DTNA: variants seen among roughly 807,000 people sequenced by gnomAD.
DTNA encodes dystrophin-related protein 3.
Under a neutral mutation model 100.7 loss-of-function variants are expected in DTNA, and 43 were observed. The observed-to-expected ratio is 0.43, with a 90% CI of 0.33 to 0.55. The LOEUF is 0.55. Ranked by LOEUF, DTNA falls within the 20% of genes least tolerant of loss-of-function variation. DTNA has a pLI of 0.04. For missense variants in DTNA, 798 were observed against 953.9 expected (o/e 0.84, Z 2.15); for synonymous variants, 349 against 347.9 (o/e 1.00, Z -0.04).
At chr18:34,622,096 G>C (rs1216841048) in intron 1 of DTNA, among the ~76,000 whole-genome samples, 1 of 152,114 alleles carries the variant, frequency 6.6e-6, no homozygotes, top group Non-Finnish European at 1.5e-5. Context: ...ACTATAGCTA[G>C]TAATAATGTA....
At chr18:34,663,371 C>A (rs1195268734) in intron 1 of DTNA, among the ~76,000 whole-genome samples, 4 of 152,014 alleles carry the variant, frequency 2.6e-5, no homozygotes, top group Non-Finnish European at 4.4e-5. Flanking sequence ...TCTTGCTATG[C>A]CCAGACTTGT....
intron 1 of DTNA, among the ~76,000 whole-genome samples, chr18:34,594,041 G>A (rs896988506): frequency 5.3e-5 from 8 of 151,650 alleles, no homozygotes; most frequent in Admixed American, 1.3e-4. Context: ...TTTTTAAAAA[G>A]CAACTGAGAA....
chr18:34,617,379 G>T (rs1192393693), intron 1 of DTNA, among the ~76,000 whole-genome samples: 2 of 152,112 alleles, frequency 1.3e-5, no homozygotes, highest in African/African-American at 2.4e-5. Context: ...CTATTGAGAT[G>T]ATCTTGTGGG....
At chr18:34,761,941 G>GA (rs1228458500) in intron 2 of DTNA, among the ~76,000 whole-genome samples, 1 of 151,370 alleles carries the variant, frequency 6.6e-6, no homozygotes, top group Non-Finnish European at 1.5e-5. Context: ...AGAGTACATT[G>GA]AAAAAAAATG....
In DTNA at chr18:34,612,751, A is replaced by G. The variant is rs186184490; in HGVS notation, c.-2+119237A>G. On this transcript the variant is annotated intron_variant, in intron 1 of 19. Coordinates refer to the DTNA transcript ENST00000283365. Reference sequence around the variant, plus strand: ...CATGGTGCTCAGCTTGCCTGTAAACATTTCCCCACCAATGTGCCTTGTTCT... The same window carrying G: ...CATGGTGCTCAGCTTGCCTGTAAACGTTTCCCCACCAATGTGCCTTGTTCT... 2.0e-3 allele frequency among the ~76,000 whole-genome samples: 301 copies of G among 152,294 alleles called. 1 individual carries two copies. The highest frequency in any genetic ancestry group is 7.0e-3 in the African/African-American group (289 of 41,570).
rs781500402 is a variant in DTNA at position 34,806,317 on chromosome 18, T to C, written c.448+13T>C. ...GACAAATTAAGATGTAAGTTATTAT[T>C]CCTTGTGTGTCTGTTTGCTTTTCCT... On this transcript the variant is annotated intron_variant, in intron 5 of 22. Coordinates refer to ENST00000444659, the MANE Select transcript of DTNA (RefSeq NM_001386795.1). The C allele has an allele frequency of 1.2e-6, 2 of 1,611,626 alleles. No homozygotes were observed. The highest frequency in any genetic ancestry group is 1.3e-5 in the African/African-American group (1 of 74,990).
At chr18:34,528,763 G>C (rs1187197777) in intron 1 of DTNA, among the ~76,000 whole-genome samples, 1 of 151,864 alleles carries the variant, frequency 6.6e-6, no homozygotes, top group South Asian at 2.1e-4. Flanking sequence ...TTTTAAACAT[G>C]AGCCTGCTTT....
intron 1 of DTNA, among the ~76,000 whole-genome samples, chr18:34,524,004 G>A (rs1205326702): frequency 6.6e-6 from 1 of 152,138 alleles, no homozygotes; most frequent in Non-Finnish European, 1.5e-5. Flanking sequence ...GTCCTCTAGG[G>A]ATTTGAGTAG....
At chr18:34,621,696 C>T (rs1335139780) in intron 1 of DTNA, among the ~76,000 whole-genome samples, 1 of 151,910 alleles carries the variant, frequency 6.6e-6, no homozygotes, top group African/African-American at 2.4e-5. Flanking sequence ...AGATGTTAGT[C>T]AAAGGATACA....
At chr18:34,662,450 A>C (rs2075332220) in intron 1 of DTNA, among the ~76,000 whole-genome samples, 1 of 152,168 alleles carries the variant, frequency 6.6e-6, no homozygotes, top group South Asian at 2.1e-4. Context: ...ACCTTCTCTC[A>C]GTTGTCCCCA....
At chr18:34,617,909 C>A (rs2055649889) in intron 1 of DTNA, among the ~76,000 whole-genome samples, 1 of 152,196 alleles carries the variant, frequency 6.6e-6, no homozygotes, top group South Asian at 2.1e-4. Flanking sequence ...TGGTCTGACA[C>A]TTAACCCATG....
At chr18:34,877,231 T>C (rs987598708) in intron 18 of DTNA, among the ~76,000 whole-genome samples, 1 of 152,148 alleles carries the variant, frequency 6.6e-6, no homozygotes, top group Non-Finnish European at 1.5e-5. Context: ...AGAGCCCTGA[T>C]AGGAGACAGC....
intron 1 of DTNA, among the ~76,000 whole-genome samples, chr18:34,728,802 T>C (rs2087363310): frequency 6.6e-6 from 1 of 152,204 alleles, no homozygotes; most frequent in African/African-American, 2.4e-5. Context: ...GCAGGTAAGA[T>C]GGCTGCCAGT....
At chr18:34,687,717 A>T (rs1169680300) in intron 1 of DTNA, among the ~76,000 whole-genome samples, 2 of 151,788 alleles carry the variant, frequency 1.3e-5, no homozygotes, top group Non-Finnish European at 2.9e-5. Flanking sequence ...TGTCTCATTG[A>T]TCTAATATTG....
At chr18:34,660,850 G>A (rs1272209783) in intron 1 of DTNA, among the ~76,000 whole-genome samples, 2 of 151,994 alleles carry the variant, frequency 1.3e-5, no homozygotes, top group Non-Finnish European at 2.9e-5. Context: ...CACCTTTCCT[G>A]ACCCAACCAG....
intron 1 of DTNA, among the ~76,000 whole-genome samples, chr18:34,510,589 C>T (rs1015098182): frequency 6.7e-6 from 1 of 149,738 alleles, no homozygotes; most frequent in African/African-American, 2.5e-5. Flanking sequence ...TTATGAGCCC[C>T]TGTGGCTCAA....
Position 34,890,005 on chromosome 18 carries a change from G to GTGTAGAT in DTNA, c.*2271_*2272insTGTAGAT. 1 of 1,220,120 alleles carries GTGTAGAT rather than the reference G, an allele frequency of 8.2e-7. No individual in the cohort carries two copies. The highest frequency in any genetic ancestry group is 4.0e-5 in the East Asian group (1 of 25,102). The allele number at this position is 1,220,120 out of a possible 1,614,324, so 75.6% of individuals were successfully genotyped here. On this transcript the variant is annotated 3_prime_UTR_variant, in exon 23 of 23. Coordinates refer to ENST00000444659, the MANE Select transcript of DTNA (RefSeq NM_001386795.1). ...ATCCCAGCTACCTATAATGCTGTCA[G>GTGTAGAT]CTCAAAATCATAGCCAGGTAGTTCT...
At chr18:34,714,244 A>G (rs2083471998) in intron 1 of DTNA, among the ~76,000 whole-genome samples, 1 of 150,438 alleles carries the variant, frequency 6.6e-6, no homozygotes, top group Admixed American at 6.6e-5. Context: ...GATCTAATTA[A>G]ACTAAAGAGC....
chr18:34,851,292 G>T (rs2149928822), intron 14 of DTNA, among the ~76,000 whole-genome samples: 1 of 152,212 alleles, frequency 6.6e-6, no homozygotes, highest in Admixed American at 6.5e-5. Flanking sequence ...AGTAGAGATG[G>T]GATTTCCCCA....
Sources: allele counts gnomAD v4.1 joint callset (sites outside exome capture counted in the v4.1 genomes callset), GRCh38; gene constraint gnomAD v4.1.1; transcripts MANE v1.5; gene names NCBI Gene and HGNC (gene_info 2026-07-23, HGNC 2026-07-21).